DLG2: variants seen among roughly 807,000 people sequenced by gnomAD.
DLG2 encodes the protein discs large MAGUK scaffold protein 2.
Under a neutral mutation model 132.5 loss-of-function variants are expected in DLG2, and 45 were observed. That is an observed-to-expected ratio of 0.34 (90% CI 0.27 to 0.44). The LOEUF (loss-of-function observed/expected upper bound fraction) is 0.44. Among genes scored for constraint, DLG2 ranks in the 20% least tolerant of loss-of-function variants. DLG2 has a pLI of 1.00. For synonymous variants in DLG2, 424 were observed against 419.6 expected (o/e 1.01, Z -0.13); for missense variants, 1,045 against 1,196.9 (o/e 0.87, Z 1.87).
intron 3 of DLG2, among the ~76,000 whole-genome samples, chr11:85,526,700 C>T (rs920282471): frequency 1.3e-5 from 2 of 152,078 alleles, no homozygotes; most frequent in African/African-American, 2.4e-5. Context: ...CTGGATGTGT[C>T]TGTGAGGATG....
intron 14 of DLG2, among the ~76,000 whole-genome samples, chr11:83,958,851 G>A (rs1041127708): frequency 6.6e-6 from 1 of 152,002 alleles, no homozygotes; most frequent in African/African-American, 2.4e-5. Flanking sequence ...ATATACATGG[G>A]CTCTAAATCT....
rs558921757 is a variant in DLG2, at chr11:84,343,168, T to C, written c.520-91877A>G. ...CAGAGATGATAACCCATTTAGGGATTTGATGAATCGATAGACATTCACCAG... is the reference window on the plus strand; with the variant it reads ...CAGAGATGATAACCCATTTAGGGATCTGATGAATCGATAGACATTCACCAG... On this transcript the variant is annotated intron_variant, in intron 7 of 27. Transcript: ENST00000376104. 5.9e-5 allele frequency among the ~76,000 whole-genome samples: 9 copies of C among 152,276 alleles called. No homozygotes were observed. The South Asian group carries it at 1.9e-3, about 32-fold the overall frequency.
chr11:83,855,100 T>C (rs2060324593), intron 16 of DLG2, among the ~76,000 whole-genome samples: 1 of 152,000 alleles, frequency 6.6e-6, no homozygotes, highest in Admixed American at 6.5e-5. Context: ...ATCAGAGAAA[T>C]GCAAATTATA....
intron 19 of DLG2, among the ~76,000 whole-genome samples, chr11:83,610,430 A>G (rs1466021677): frequency 6.6e-6 from 1 of 152,196 alleles, no homozygotes; most frequent in Non-Finnish European, 1.5e-5. Context: ...AGCAAAAGGG[A>G]AACAGTAAGC....
intron 3 of DLG2, among the ~76,000 whole-genome samples, chr11:85,593,591 A>G (rs1310217441): frequency 6.6e-6 from 1 of 152,204 alleles, no homozygotes; most frequent in African/African-American, 2.4e-5. Context: ...CTAAAAGAAT[A>G]ATAAATACAG....
intron 3 of DLG2, among the ~76,000 whole-genome samples, chr11:85,294,226 C>T (rs2079085504): frequency 6.6e-6 from 1 of 151,898 alleles, no homozygotes; most frequent in Admixed American, 6.6e-5. Context: ...AAAGTGACTA[C>T]TATTCTTATA....
Position 85,222,811 on chromosome 11 carries a change from G to A in DLG2, c.186+62409C>T, listed in dbSNP as rs188449893. On this transcript the variant is annotated intron_variant, in intron 4 of 27. Transcript: ENST00000376104. ...TTGCCTTCTGAGATTTTTTTTTCCC[G>A]GCTAGTCCTATGGTAGCTTCCCTGG... Among the ~76,000 whole-genome samples, 42 of 151,638 alleles carry A rather than the reference G, an allele frequency of 2.8e-4. No individual in the cohort carries two copies. In the East Asian group the frequency reaches 6.8e-3, roughly 24 times the overall value.
intron 3 of DLG2, among the ~76,000 whole-genome samples, chr11:85,549,883 A>G (rs554536): frequency 0.55 from 83,850 of 152,030 alleles, 23,644 homozygotes; most frequent in African/African-American, 0.65. Context: ...TACCCTATAC[A>G]GTCTAAAAAA....
At chr11:83,749,061 T>C (rs986833116) in intron 18 of DLG2, among the ~76,000 whole-genome samples, 2 of 152,164 alleles carry the variant, frequency 1.3e-5, no homozygotes, top group Non-Finnish European at 2.9e-5. Flanking sequence ...AGTTCATTAG[T>C]GGTCATGGCT....
chr11:84,465,831 C>T (rs1332675564), intron 7 of DLG2, among the ~76,000 whole-genome samples: 1 of 151,134 alleles, frequency 6.6e-6, no homozygotes, highest in Non-Finnish European at 1.5e-5. Flanking sequence ...TTAAATCCTA[C>T]CAAGACAGGG....
chr11:84,987,345 A>G (rs1305366095), intron 6 of DLG2, among the ~76,000 whole-genome samples: 2 of 152,132 alleles, frequency 1.3e-5, no homozygotes, highest in African/African-American at 2.4e-5. Context: ...CCATACTGTC[A>G]AAAGTAATCT....
intron 4 of DLG2, among the ~76,000 whole-genome samples, chr11:85,204,963 A>G (rs899032447): frequency 2.0e-5 from 3 of 152,118 alleles, no homozygotes; most frequent in Admixed American, 2.0e-4. Context: ...TGGTGCTGAG[A>G]AAAGTGGATA....
rs1261409499 is a variant in DLG2 at position 84,973,450 on chromosome 11, C to T, written c.357+138211G>A. ...CCTGGCCAGCAGGTATTTCGTTGTC[C>T]AGATGCACTCATGTCTGTCAATCTC... On this transcript the variant is annotated intron_variant, in intron 6 of 27. Transcript: ENST00000376104. Among the ~76,000 whole-genome samples the T allele has an allele frequency of 5.9e-5, 9 of 152,076 alleles. No individual in the cohort carries two copies. The East Asian group carries it at 1.5e-3, about 26-fold the overall frequency.
intron 10 of DLG2, 130 bp from the exon 11 acceptor site, chr11:84,059,614 G>A: frequency 2.7e-6 from 2 of 738,302 alleles, no homozygotes; most frequent in Non-Finnish European, 4.1e-6. Context: ...ATTTAAATTT[G>A]GAAGGATGCT....
At chr11:85,215,616 A>G (rs1054536652) in intron 4 of DLG2, among the ~76,000 whole-genome samples, 3 of 152,196 alleles carry the variant, frequency 2.0e-5, no homozygotes, top group Non-Finnish European at 2.9e-5. Flanking sequence ...AAGAATCTAC[A>G]TAACAAAATC....
intron 18 of DLG2, among the ~76,000 whole-genome samples, chr11:83,776,337 T>C (rs1320977489): frequency 6.6e-6 from 1 of 152,190 alleles, no homozygotes; most frequent in African/African-American, 2.4e-5. Flanking sequence ...TTACCTTTTT[T>C]ACAGATAGGG....
intron 6 of DLG2, among the ~76,000 whole-genome samples, chr11:85,067,450 T>A (rs1038411324): frequency 6.6e-6 from 1 of 151,900 alleles, no homozygotes; most frequent in Non-Finnish European, 1.5e-5. Context: ...GCGTCAATTT[T>A]AGATCTTTCC....
chr11:84,087,530 G>C (rs1461841822), intron 10 of DLG2, among the ~76,000 whole-genome samples: 1 of 152,128 alleles, frequency 6.6e-6, no homozygotes. Flanking sequence ...CCAATGCCTG[G>C]AACCTGTGAA....
At chr11:84,821,114 A>T (rs2077623084) in intron 6 of DLG2, among the ~76,000 whole-genome samples, 1 of 151,924 alleles carries the variant, frequency 6.6e-6, no homozygotes, top group African/African-American at 2.4e-5. Flanking sequence ...AGTATGTTTT[A>T]AATTTTTACT....
Sources: allele counts gnomAD v4.1 joint callset (sites outside exome capture counted in the v4.1 genomes callset), GRCh38; gene constraint gnomAD v4.1.1; transcripts MANE v1.5; gene names NCBI Gene and HGNC (gene_info 2026-07-23, HGNC 2026-07-21).